SOX6: variants seen among roughly 807,000 people sequenced by gnomAD.
SOX6 encodes the protein transcription factor SOX-6.
A neutral mutation model predicts 97.8 loss-of-function variants in SOX6; 11 were observed. The observed-to-expected ratio is 0.11, with a 90% CI of 0.07 to 0.19. The LOEUF (loss-of-function observed/expected upper bound fraction) is 0.19, where lower values mean the gene tolerates loss of function less well. Among genes scored for constraint, SOX6 ranks in the 10% least tolerant of loss-of-function variants. SOX6 has a pLI of 1.00. For synonymous variants in SOX6, 360 were observed against 371.4 expected (o/e 0.97, Z 0.35); for missense variants, 810 against 1,039.5 (o/e 0.78, Z 3.04).
At chr11:16,326,364 C>T (rs1856091024) in intron 2 of SOX6, among the ~76,000 whole-genome samples, 1 of 152,064 alleles carries the variant, frequency 6.6e-6, no homozygotes, top group Non-Finnish European at 1.5e-5. Context: ...ATACCAAATT[C>T]TACATCTTCA....
At chr11:16,398,660 AT>A (rs1473873646) in intron 1 of SOX6, among the ~76,000 whole-genome samples, 3 of 150,494 alleles carry the variant, frequency 2.0e-5, no homozygotes, top group South Asian at 2.1e-4. Context: ...CTTACCCTAG[AT>A]TTTTTTTTCC....
At chr11:16,039,918 G>A (rs1392391366) in intron 12 of SOX6, among the ~76,000 whole-genome samples, 1 of 151,842 alleles carries the variant, frequency 6.6e-6, no homozygotes, top group Non-Finnish European at 1.5e-5. Context: ...AGAACAGCTG[G>A]TCTGGAAGGA....
At chr11:16,680,778 T>C (rs1410985445) in intron 3 of SOX6, among the ~76,000 whole-genome samples, 1 of 151,792 alleles carries the variant, frequency 6.6e-6, no homozygotes, top group Non-Finnish European at 1.5e-5. Flanking sequence ...ATCAAGCAAA[T>C]GGAAAACAAA....
At position 15,970,309 on chromosome 11, in the gene SOX6, C is replaced by T. The variant is rs1433358109; in HGVS notation, c.*2500G>A. ...GAACAGTCCTTTGTTCTCCACCAGC[C>T]CAGAATATTATTTTGGCATGGTCAT... is the stretch of plus-strand genomic sequence containing the variant. On this transcript the variant is annotated 3_prime_UTR_variant, in exon 16 of 16. Coordinates refer to ENST00000683767, the MANE Select transcript of SOX6 (RefSeq NM_001367873.1). The T allele has an allele frequency of 8.5e-5, 13 of 152,448 alleles. No individual in the cohort carries two copies. The highest frequency in any genetic ancestry group is 7.9e-4 in the Admixed American group (12 of 15,266). The allele number at this position is 152,448 out of a possible 1,614,324, so 9.4% of individuals were successfully genotyped here.
In SOX6 at chr11:16,659,065, C is replaced by G. The variant is rs942560672; in HGVS notation, n.430-46805G>C. Among the ~76,000 whole-genome samples, 8 of 152,244 alleles carry G rather than the reference C, an allele frequency of 5.3e-5. No individual in the cohort carries two copies. The South Asian group carries it at 1.5e-3, about 28-fold the overall frequency. On this transcript the variant is annotated intron_variant and non_coding_transcript_variant, in intron 3 of 5. Coordinates refer to the SOX6 transcript ENST00000524520. ...AGTAAAGTTCAGCTTAACAATTTTC[C>G]TCTCATGGACTCTGCTTTTTGGTGC... is the stretch of plus-strand genomic sequence containing the variant.
At chr11:16,129,921 C>G (rs577825964) in intron 6 of SOX6, among the ~76,000 whole-genome samples, 3 of 152,132 alleles carry the variant, frequency 2.0e-5, no homozygotes, top group African/African-American at 7.2e-5. Context: ...CTACTCTCAC[C>G]ACTTCTAATC....
intron 1 of SOX6, among the ~76,000 whole-genome samples, chr11:16,377,651 T>G (rs1296753494): frequency 1.3e-5 from 2 of 152,188 alleles, no homozygotes; most frequent in African/African-American, 4.8e-5. Context: ...TATTATCTGG[T>G]TCCTGCACAT....
chr11:16,671,166 G>T (rs1328378987), intron 3 of SOX6, among the ~76,000 whole-genome samples: 2 of 152,244 alleles, frequency 1.3e-5, no homozygotes, highest in African/African-American at 4.8e-5. Flanking sequence ...CTGCACTGCA[G>T]TTAAAGAAAT....
At chr11:16,446,568 C>T (rs1859615966) in intron 1 of SOX6, among the ~76,000 whole-genome samples, 1 of 152,032 alleles carries the variant, frequency 6.6e-6, no homozygotes, top group South Asian at 2.1e-4. Context: ...AAAGTGATCC[C>T]AAACAATTTC....
intron 6 of SOX6, 39 bp downstream of exon 6, chr11:16,183,847 T>A: frequency 1.9e-6 from 3 of 1,584,502 alleles, no homozygotes; most frequent in Non-Finnish European, 2.6e-6. Context: ...GAGGAAAGTA[T>A]CTAAGTATAA....
chr11:16,137,298 C>A (rs570944464), intron 6 of SOX6, among the ~76,000 whole-genome samples: 1 of 151,990 alleles, frequency 6.6e-6, no homozygotes, highest in African/African-American at 2.4e-5. Context: ...TGGTGGCATG[C>A]GCCTGTAGTC....
intron 4 of SOX6, among the ~76,000 whole-genome samples, chr11:16,487,417 T>A (rs995379073): frequency 1.3e-5 from 2 of 152,154 alleles, no homozygotes; most frequent in South Asian, 4.1e-4. Flanking sequence ...CCTCCAGGAA[T>A]GACCATTTGG....
At chr11:16,004,452 T>G (rs1854494095) in intron 13 of SOX6, among the ~76,000 whole-genome samples, 2 of 152,054 alleles carry the variant, frequency 1.3e-5, no homozygotes, top group South Asian at 4.1e-4. Context: ...GAATCTGTAT[T>G]TCATTAGAAT....
At chr11:16,399,165 T>G (rs1858470487) in intron 1 of SOX6, among the ~76,000 whole-genome samples, 1 of 151,314 alleles carries the variant, frequency 6.6e-6, no homozygotes, top group African/African-American at 2.4e-5. Context: ...ACCAGGTCTG[T>G]GTGTCTCATA....
At chr11:16,303,118 T>G (rs1038293308) in intron 3 of SOX6, among the ~76,000 whole-genome samples, 1 of 152,202 alleles carries the variant, frequency 6.6e-6, no homozygotes, top group African/African-American at 2.4e-5. Context: ...TGTATTTAAA[T>G]ATGTATACAT....
intron 9 of SOX6, among the ~76,000 whole-genome samples, chr11:16,056,276 T>C (rs1373939721): frequency 6.6e-6 from 1 of 152,184 alleles, no homozygotes; most frequent in East Asian, 1.9e-4. Context: ...TCCACTTGTT[T>C]AATATTAATA....
intron 1 of SOX6, among the ~76,000 whole-genome samples, chr11:16,426,851 T>C (rs1449583856): frequency 7.1e-6 from 1 of 140,020 alleles, no homozygotes; most frequent in East Asian, 2.1e-4. Flanking sequence ...GAGGCGGAGC[T>C]TGCAGTGAGC....
At chr11:16,074,670 C>T (rs1335762664) in intron 9 of SOX6, among the ~76,000 whole-genome samples, 1 of 152,076 alleles carries the variant, frequency 6.6e-6, no homozygotes, top group African/African-American at 2.4e-5. Flanking sequence ...GGGAAGATCT[C>T]TATAATGAGA....
In SOX6 at chr11:16,591,439, T is replaced by C. The variant is rs537297452; in HGVS notation, n.609+20642A>G. Among the ~76,000 whole-genome samples the C allele has an allele frequency of 5.7e-4, 87 of 152,210 alleles. 1 individual carries two copies. Among genetic ancestry groups the C allele is most frequent in the African/African-American group, 2.0e-3 (82 of 41,562 alleles). ...AAGCAATCAAACTAACTTAATCTGG[T>C]CTTCAAGGCAAAGGTGATATTTTAT... On this transcript the variant is annotated intron_variant and non_coding_transcript_variant, in intron 4 of 5. Coordinates refer to the SOX6 transcript ENST00000524520.
Sources: allele counts gnomAD v4.1 joint callset (sites outside exome capture counted in the v4.1 genomes callset), GRCh38; gene constraint gnomAD v4.1.1; transcripts MANE v1.5; gene names NCBI Gene and HGNC (gene_info 2026-07-23, HGNC 2026-07-21).